The following MYT1L variants were observed in gnomAD, a reference collection of about 807,000 sequenced individuals.
The protein encoded by MYT1L is myelin transcription factor 1-like protein.
MYT1L carries 12 observed loss-of-function variants against 126.7 expected under a neutral mutation model. The observed-to-expected ratio is 0.09, with a 90% CI of 0.06 to 0.15. MYT1L has a LOEUF of 0.15. Ranked by LOEUF, MYT1L falls within the 10% of genes least tolerant of loss-of-function variation. The pLI, the probability that MYT1L is intolerant of heterozygous loss-of-function variation, is 1.00. For missense variants in MYT1L, 979 were observed against 1,585.2 expected, an observed-to-expected ratio of 0.62 and a Z score of 6.49; for synonymous variants, 541 against 604.2, an observed-to-expected ratio of 0.90 and a Z score of 1.53.
At chr2:1,798,759 T>TTTC (rs2034291075) in intron 23 of MYT1L, among the ~76,000 whole-genome samples, 1 of 152,218 alleles carries the variant, frequency 6.6e-6, no homozygotes, top group Non-Finnish European at 1.5e-5. Flanking sequence ...GCATGAAGGC[T>TTTC]GCTGCAGGAA....
chr2:2,204,322 G>A (rs1357709063), intron 2 of MYT1L, among the ~76,000 whole-genome samples: 1 of 151,520 alleles, frequency 6.6e-6, no homozygotes, highest in South Asian at 2.1e-4. Flanking sequence ...GAGTGAACAG[G>A]CAACCTACAG....
At chr2:1,949,853 C>T (rs773227208) in intron 8 of MYT1L, among the ~76,000 whole-genome samples, 61 of 152,184 alleles carry the variant, frequency 4.0e-4, no homozygotes, top group Non-Finnish European at 1.5e-4. Flanking sequence ...TTCCCCACAA[C>T]CACCTCTTTT....
rs983286259 is a variant in MYT1L, at chr2:2,018,379, G to C, written c.-157-21032C>G. Among the ~76,000 whole-genome samples the C allele has an allele frequency of 5.3e-5, 8 of 152,162 alleles. No homozygotes were observed. The East Asian group carries it at 1.3e-3, about 26-fold the overall frequency. On this transcript the variant is annotated intron_variant, in intron 4 of 24. Transcript: ENST00000647738. ...CGCCATCCCACTGGATGGTGGCCAT[G>C]GAGAGACAGAGGAGCAGAGGGAGAG...
chr2:2,008,282 G>GT (rs1165136268), intron 4 of MYT1L, among the ~76,000 whole-genome samples: 1 of 152,210 alleles, frequency 6.6e-6, no homozygotes, highest in Non-Finnish European at 1.5e-5. Context: ...GTTGATTTGA[G>GT]TTAATAACTC....
At position 2,196,292 on chromosome 2, in the gene MYT1L, A is replaced by G. The variant is rs377252778; in HGVS notation, c.-420-23304T>C. Among the ~76,000 whole-genome samples, 41 of 152,216 alleles carry G rather than the reference A, an allele frequency of 2.7e-4. No individual in the cohort carries two copies. In the East Asian group the frequency reaches 6.7e-3, roughly 25 times the overall value. ...TAAAAATGAAGGTAAAGGATTTTAG[A>G]TACATTAAAAATAGAAGCACTTGTA... On this transcript the variant is annotated intron_variant, in intron 2 of 24. Transcript: ENST00000647738.
At chr2:1,975,614 AG>A (rs2149469978) in intron 8 of MYT1L, among the ~76,000 whole-genome samples, 1 of 152,348 alleles carries the variant, frequency 6.6e-6, no homozygotes, top group Admixed American at 6.5e-5. Flanking sequence ...CTGTGATCCC[AG>A]CACTTTGGGA....
At chr2:2,329,537 A>G (rs1483928914) in intron 1 of MYT1L, among the ~76,000 whole-genome samples, 2 of 152,200 alleles carry the variant, frequency 1.3e-5, no homozygotes, top group Non-Finnish European at 2.9e-5. Flanking sequence ...TTATTGTTTT[A>G]AATTCTTTAA....
rs61650035 is a variant in MYT1L at position 2,219,100 on chromosome 2, G to A, written c.-420-46112C>T. 7.5e-3 allele frequency among the ~76,000 whole-genome samples: 1,143 copies of A among 152,310 alleles called. 9 individuals carry two copies. Among genetic ancestry groups the A allele is most frequent in the African/African-American group, 0.024 (984 of 41,562 alleles). ...TGAGTCAAGAGGATGTTGTCTCGCCGTCACATTGCTAAGAGTGGCTGGTAG... is the reference window on the plus strand; with the variant it reads ...TGAGTCAAGAGGATGTTGTCTCGCCATCACATTGCTAAGAGTGGCTGGTAG... On this transcript the variant is annotated intron_variant, in intron 2 of 24. Transcript: ENST00000647738.
intron 4 of MYT1L, among the ~76,000 whole-genome samples, chr2:2,048,784 G>A (rs1315902933): frequency 6.6e-6 from 1 of 152,074 alleles, no homozygotes; most frequent in Non-Finnish European, 1.5e-5. Flanking sequence ...CTGACTTCAG[G>A]TAATTGTCCT....
intron 3 of MYT1L, among the ~76,000 whole-genome samples, chr2:2,082,221 T>C (rs1047149411): frequency 1.3e-5 from 2 of 152,224 alleles, no homozygotes; most frequent in African/African-American, 4.8e-5. Flanking sequence ...TGGAAACACC[T>C]GGGGCAGTTT....
At chr2:2,209,081 C>G (rs1030738520) in intron 2 of MYT1L, among the ~76,000 whole-genome samples, 1 of 152,028 alleles carries the variant, frequency 6.6e-6, no homozygotes, top group Non-Finnish European at 1.5e-5. Context: ...TTAAAATTGC[C>G]TATGCTTTTT....
intron 3 of MYT1L, among the ~76,000 whole-genome samples, chr2:2,073,475 G>T (rs1239141895): frequency 4.6e-5 from 7 of 152,096 alleles, no homozygotes; most frequent in Admixed American, 3.3e-4. Context: ...GCTCTACAGA[G>T]GCTTTCCTCT....
intron 12 of MYT1L, among the ~76,000 whole-genome samples, chr2:1,911,736 A>T (rs1241231770): frequency 6.6e-6 from 1 of 152,184 alleles, no homozygotes; most frequent in Non-Finnish European, 1.5e-5. Flanking sequence ...ACCTCGGAGG[A>T]CAGCGAAGGC....
chr2:1,904,777 C>T (rs932802839), intron 13 of MYT1L, among the ~76,000 whole-genome samples: 1 of 149,840 alleles, frequency 6.7e-6, no homozygotes, highest in Non-Finnish European at 1.5e-5. Flanking sequence ...GATTACATCA[C>T]GAACCACCAC....
At chr2:2,002,814 TAGAG>T (rs2062532174) in intron 4 of MYT1L, among the ~76,000 whole-genome samples, 1 of 152,108 alleles carries the variant, frequency 6.6e-6, no homozygotes, top group Non-Finnish European at 1.5e-5. Context: ...GTTCTCATGA[TAGAG>T]AGTGAGTTTC....
At chr2:2,112,719 A>G (rs914475050) in intron 3 of MYT1L, among the ~76,000 whole-genome samples, 9 of 152,212 alleles carry the variant, frequency 5.9e-5, no homozygotes, top group African/African-American at 2.2e-4. Context: ...AACTAACACC[A>G]GGAGCACTCT....
intron 8 of MYT1L, among the ~76,000 whole-genome samples, chr2:1,970,919 AG>A (rs1182322749): frequency 3.3e-5 from 5 of 152,238 alleles, no homozygotes; most frequent in Admixed American, 6.5e-5. Flanking sequence ...TGACCAATAC[AG>A]GTCATATACA....
At chr2:2,313,071 T>A (rs2096001987) in intron 1 of MYT1L, among the ~76,000 whole-genome samples, 1 of 152,166 alleles carries the variant, frequency 6.6e-6, no homozygotes, top group Admixed American at 6.5e-5. Context: ...CTGAAGAAAT[T>A]ACAATTTGTG....
At chr2:2,026,732 G>A (rs1332096691) in intron 4 of MYT1L, among the ~76,000 whole-genome samples, 1 of 152,140 alleles carries the variant, frequency 6.6e-6, no homozygotes, top group Non-Finnish European at 1.5e-5. Context: ...TCCAGGGCGG[G>A]GCCCGCTCCT....
Sources: gnomAD v4.1 joint callset for allele counts (sites outside exome capture counted in the v4.1 genomes callset) on GRCh38, gnomAD v4.1.1 for gene constraint, MANE v1.5 for transcripts, NCBI Gene and HGNC (gene_info 2026-07-23, HGNC 2026-07-21) for gene names.